The following TBC1D19 variants were observed in gnomAD, a reference collection of about 807,000 sequenced individuals.
TBC1D19 encodes the protein TBC1 domain family, member 19.
In TBC1D19, 60 loss-of-function variants were observed where a neutral mutation model predicts 89.0. The ratio of observed to expected loss-of-function variants is 0.67; its 90% CI spans 0.55 to 0.84. The LOEUF (loss-of-function observed/expected upper bound fraction) is 0.84, where lower values mean the gene tolerates loss of function less well. TBC1D19 is among the 40% of genes least tolerant of loss of function. The pLI is 0.00. For missense variants in TBC1D19, 500 were observed against 610.8 expected, an observed-to-expected ratio of 0.82 and a Z score of 1.91; for synonymous variants, 189 against 199.7, an observed-to-expected ratio of 0.95 and a Z score of 0.45.
intron 1 of TBC1D19, among the ~76,000 whole-genome samples, chr4:26,599,007 C>T (rs1740422756): frequency 6.6e-6 from 1 of 151,866 alleles, no homozygotes; most frequent in South Asian, 2.1e-4. Context: ...GATGATTACA[C>T]AAGAAACTCA....
At position 26,736,279 on chromosome 4, in the gene TBC1D19, T is replaced by C. The variant is rs1411886558; in HGVS notation, c.1117+792T>C. On this transcript the variant is annotated intron_variant, in intron 16 of 20. Transcript: ENST00000264866. ...TGAAATTGGAAATCATCATTCTCAG[T>C]AAACTATCGCAAGAACAAAAAACCA... 8.0e-5 allele frequency among the ~76,000 whole-genome samples: 11 copies of C among 138,308 alleles called. No individual in the cohort carries two copies. In the South Asian group the frequency reaches 2.4e-3, roughly 30 times the overall value. The allele number at this position is 138,308 out of a possible 152,430, so 90.7% of individuals were successfully genotyped here. A position where few individuals can be genotyped will look rare whatever the true frequency, so the allele number is the denominator to read the frequency against.
At chr4:26,691,964 G>T (rs924732227) in intron 13 of TBC1D19, among the ~76,000 whole-genome samples, 3 of 152,100 alleles carry the variant, frequency 2.0e-5, no homozygotes, top group African/African-American at 7.2e-5. Flanking sequence ...TTTTTTAAAA[G>T]TATTTAAAGT....
At chr4:26,668,032 C>G (rs1008129360) in intron 9 of TBC1D19, among the ~76,000 whole-genome samples, 21 of 151,846 alleles carry the variant, frequency 1.4e-4, no homozygotes, top group African/African-American at 4.3e-4. Flanking sequence ...GTAACTTGCT[C>G]CAGGTCACAA....
intron 7 of TBC1D19, among the ~76,000 whole-genome samples, chr4:26,657,257 C>T (rs1744915583): frequency 6.6e-6 from 1 of 151,610 alleles, no homozygotes; most frequent in Non-Finnish European, 1.5e-5. Flanking sequence ...CCTGACAGGC[C>T]CCGGTGTGTG....
intron 3 of TBC1D19, among the ~76,000 whole-genome samples, chr4:26,614,843 AATTTTTGT>A (rs1391568456): frequency 6.6e-6 from 1 of 151,920 alleles, no homozygotes; most frequent in Admixed American, 6.6e-5. Context: ...ACACCTGGCT[AATTTTTGT>A]ATTTTTAGTA....
At chr4:26,817,981 A>ATATATATATATAT in the TBC1D19 span, among the ~76,000 whole-genome samples, 58 of 126,038 alleles carry the variant, frequency 4.6e-4, no homozygotes, top group African/African-American at 2.0e-3. Context: ...AAAAAAAAAA[A>ATATATATATATAT]ATATATATAT....
Position 26,654,417 on chromosome 4 carries a change from G to T in TBC1D19, c.481-5180G>T, listed in dbSNP as rs555680041. 2.0e-5 allele frequency among the ~76,000 whole-genome samples: 3 copies of T among 152,184 alleles called. No homozygotes were observed. The South Asian group carries it at 6.2e-4, about 32-fold the overall frequency. ...CTGTATTTCCTGCATTTGAATGTTG[G>T]CCTGCCTTGCTAGATTGAGGAAGTT... is the stretch of plus-strand genomic sequence containing the variant. On this transcript the variant is annotated intron_variant, in intron 7 of 20. Coordinates refer to ENST00000264866, the MANE Select transcript of TBC1D19 (RefSeq NM_018317.4).
intron 11 of TBC1D19, among the ~76,000 whole-genome samples, chr4:26,678,434 G>A (rs999724110): frequency 6.6e-6 from 1 of 152,100 alleles, no homozygotes; most frequent in South Asian, 2.1e-4. Context: ...ATTTAAAGGG[G>A]AAAGAGCGAG....
chr4:26,604,473 G>A (rs1300128570), intron 1 of TBC1D19, among the ~76,000 whole-genome samples: 1 of 151,580 alleles, frequency 6.6e-6, no homozygotes, highest in East Asian at 2.0e-4. Flanking sequence ...TTTAAGAGCT[G>A]AATAATATTC....
intron 1 of TBC1D19, among the ~76,000 whole-genome samples, chr4:26,595,626 T>C (rs935695693): frequency 5.9e-5 from 9 of 152,112 alleles, no homozygotes; most frequent in African/African-American, 2.2e-4. Flanking sequence ...TTCCATCTCT[T>C]GTCCCCCCAC....
intron 1 of TBC1D19, among the ~76,000 whole-genome samples, chr4:26,588,107 G>A (rs1417859253): frequency 6.8e-6 from 1 of 147,734 alleles, no homozygotes; most frequent in African/African-American, 2.5e-5. Context: ...CTCACTGCAA[G>A]CTCCGCCTCC....
At chr4:26,768,776 A>G in the TBC1D19 span, among the ~76,000 whole-genome samples, 2 of 152,118 alleles carry the variant, frequency 1.3e-5, no homozygotes, top group African/African-American at 4.8e-5. Flanking sequence ...AAAATGAAAT[A>G]CAGAGATTAA....
chr4:26,765,534 T>TA, the TBC1D19 span, among the ~76,000 whole-genome samples: 1 of 151,994 alleles, frequency 6.6e-6, no homozygotes, highest in South Asian at 2.1e-4. Flanking sequence ...AGAAAGTATT[T>TA]AGGTAATTGA....
rs759262055 is a variant in TBC1D19 at position 26,659,633 on chromosome 4, G to A, written c.517G>A (p.Gly173Ser). Residue 173 changes from glycine (G) to serine (S), a missense_variant, in exon 8 of 21, where the codon GGT becomes AGT. Physicochemically the swap from Gly to Ser is moderately conservative, Grantham distance 56 (BLOSUM62 0). Coordinates refer to ENST00000264866, the MANE Select transcript of TBC1D19 (RefSeq NM_018317.4). ...INLRNPNYENGDSLSFRTHLG... is the reference protein window; with the variant it reads ...INLRNPNYENSDSLSFRTHLG... The stretch of plus-strand genomic sequence containing the variant: ...TCTTCGCAACCCAAATTATGAAAAC[G>A]GTGATTCTCTTAGTTTCAGGACTCA... 37 of 1,589,826 alleles carry A rather than the reference G, an allele frequency of 2.3e-5. No individual in the cohort carries two copies. In the Admixed American group the frequency reaches 2.5e-4, roughly 11 times the overall value.
intron 7 of TBC1D19, among the ~76,000 whole-genome samples, chr4:26,657,474 C>G (rs371398101): frequency 1.1e-4 from 17 of 152,238 alleles, no homozygotes; most frequent in African/African-American, 3.4e-4. Flanking sequence ...TTTTCTTTAT[C>G]CAGTCTATGA....
chr4:26,801,775 A>G, the TBC1D19 span, among the ~76,000 whole-genome samples: 1 of 152,188 alleles, frequency 6.6e-6, no homozygotes, highest in Non-Finnish European at 1.5e-5. Context: ...GTGAAAAGGC[A>G]ATTCACAAAA....
the TBC1D19 span, among the ~76,000 whole-genome samples, chr4:26,777,332 A>G: frequency 3.3e-4 from 50 of 152,100 alleles, no homozygotes; most frequent in African/African-American, 1.2e-3. Context: ...ATGGGGTTTC[A>G]TCATATTGGT....
At chr4:26,577,052 A>G (rs947347026) in intron 1 of TBC1D19, among the ~76,000 whole-genome samples, 2 of 152,242 alleles carry the variant, frequency 1.3e-5, no homozygotes, top group African/African-American at 4.8e-5. Flanking sequence ...GGGCCTTAAC[A>G]GCAAAAACTG....
chr4:26,806,770 A>G, the TBC1D19 span, among the ~76,000 whole-genome samples: 1 of 152,254 alleles, frequency 6.6e-6, no homozygotes, highest in Non-Finnish European at 1.5e-5. Flanking sequence ...GCAAGAAGCC[A>G]TGTGAAGACA....
Sources: allele counts gnomAD v4.1 joint callset (sites outside exome capture counted in the v4.1 genomes callset), GRCh38; gene constraint gnomAD v4.1.1; transcripts MANE v1.5; gene names NCBI Gene and HGNC (gene_info 2026-07-23, HGNC 2026-07-21).